Variants in ADGRL2 observed in about 807,000 individuals in gnomAD.
ADGRL2 encodes the protein calcium-independent alpha-latrotoxin receptor 2.
Under a neutral mutation model 157.4 loss-of-function variants are expected in ADGRL2, and 44 were observed. The ratio of observed to expected loss-of-function variants is 0.28; its 90% CI spans 0.22 to 0.36. ADGRL2 has a LOEUF of 0.36. ADGRL2 is among the 10% of genes least tolerant of loss of function. The pLI is 1.00. For synonymous variants in ADGRL2, 585 were observed against 624.7 expected (o/e 0.94, Z 0.95); for missense variants, 1,510 against 1,768.9 (o/e 0.85, Z 2.63).
At chr1:81,894,453 G>A (rs976389900) in intron 2 of ADGRL2, among the ~76,000 whole-genome samples, 3 of 151,978 alleles carry the variant, frequency 2.0e-5, no homozygotes, top group African/African-American at 7.2e-5. Flanking sequence ...TTTCTTTTGT[G>A]TGTATCATAT....
At chr1:81,748,467 C>CAAAAAAAAAAAAAAAAA (rs973818702) in intron 1 of ADGRL2, among the ~76,000 whole-genome samples, 2 of 42,416 alleles carry the variant, frequency 4.7e-5, no homozygotes, top group East Asian at 8.7e-4. Context: ...GATTCCGTCT[C>CAAAAAAAAAAAAAAAAA]AAAAAAAAAA....
chr1:81,733,837 G>A (rs946401185), intron 1 of ADGRL2, among the ~76,000 whole-genome samples: 13 of 152,140 alleles, frequency 8.5e-5, no homozygotes, highest in Non-Finnish European at 1.8e-4. Context: ...TGACTTGAAG[G>A]TAGAGGGTGG....
intron 2 of ADGRL2, among the ~76,000 whole-genome samples, chr1:81,876,602 A>C (rs1429042581): frequency 6.6e-6 from 1 of 152,098 alleles, no homozygotes; most frequent in Non-Finnish European, 1.5e-5. Context: ...TACTTGTTTA[A>C]CTAGAGTGAC....
chr1:81,384,053 G>C (rs1306086953), intron 1 of ADGRL2, among the ~76,000 whole-genome samples: 1 of 151,904 alleles, frequency 6.6e-6, no homozygotes, highest in Admixed American at 6.6e-5. Flanking sequence ...AACTAGAAAA[G>C]GCACAAACTC....
At chr1:81,882,772 C>A (rs1378538704) in intron 2 of ADGRL2, among the ~76,000 whole-genome samples, 2 of 152,086 alleles carry the variant, frequency 1.3e-5, no homozygotes, top group African/African-American at 4.8e-5. Flanking sequence ...TCTTGTGGAA[C>A]CCTAGTTGAG....
chr1:81,621,128 CCT>C (rs2081780906), intron 3 of ADGRL2, among the ~76,000 whole-genome samples: 1 of 152,096 alleles, frequency 6.6e-6, no homozygotes, highest in Admixed American at 6.6e-5. Flanking sequence ...GAAGTGCTTT[CCT>C]CTCTTTGGCC....
intron 3 of ADGRL2, among the ~76,000 whole-genome samples, chr1:81,923,788 A>G (rs998283090): frequency 6.6e-6 from 1 of 152,166 alleles, no homozygotes; most frequent in Non-Finnish European, 1.5e-5. Context: ...GAAGCCTGAC[A>G]TACAACAGAA....
At chr1:81,819,528 G>C (rs543600284) in intron 1 of ADGRL2, among the ~76,000 whole-genome samples, 56 of 152,076 alleles carry the variant, frequency 3.7e-4, no homozygotes, top group African/African-American at 1.3e-3. Flanking sequence ...AAATGTTTTC[G>C]AGTGTATACC....
intron 11 of ADGRL2, among the ~76,000 whole-genome samples, chr1:81,965,513 A>G (rs1169212075): frequency 6.6e-6 from 1 of 151,650 alleles, no homozygotes; most frequent in African/African-American, 2.4e-5. Context: ...TAGAAATTAG[A>G]AAAAAAAAGT....
intron 6 of ADGRL2, among the ~76,000 whole-genome samples, chr1:81,949,888 A>T (rs1348831162): frequency 6.6e-6 from 1 of 152,238 alleles, no homozygotes; most frequent in Non-Finnish European, 1.5e-5. Flanking sequence ...TGATGAAATT[A>T]TACTTAAACT....
At chr1:81,734,669 T>C (rs1257758126) in intron 1 of ADGRL2, among the ~76,000 whole-genome samples, 1 of 148,228 alleles carries the variant, frequency 6.7e-6, no homozygotes, top group Non-Finnish European at 1.5e-5. Flanking sequence ...ATGACCTCCA[T>C]GCACAAGGCA....
Position 81,990,709 on chromosome 1 carries a change from G to T in ADGRL2, c.3974G>T (p.Gly1325Val). The T allele has an allele frequency of 6.2e-7, 1 of 1,614,062 alleles. No homozygotes were observed. The highest frequency in any genetic ancestry group is 8.5e-7 in the Non-Finnish European group (1 of 1,179,996). ...ASSLMHSDNP[G>V]LELHHKELEA... is the part of the protein sequence containing the mutation. ...TCTTTAATGCACAGCGACAACCCAG[G>T]GCTGGAGCTCCATCACAAAGAACTC... Residue 1325 changes from glycine (G) to valine (V), a missense_variant, in exon 24 of 24, where the codon GGG (glycine) becomes GTG (valine). Gly to Val is a moderately radical substitution (Grantham distance 109). Coordinates refer to ENST00000686636, the MANE Select transcript of ADGRL2 (RefSeq NM_001366006.2).
At chr1:81,931,722 T>C (rs550000597) in intron 3 of ADGRL2, among the ~76,000 whole-genome samples, 134 of 152,196 alleles carry the variant, frequency 8.8e-4, no homozygotes, top group Non-Finnish European at 1.5e-3. Context: ...TGGCCTGTGC[T>C]TCAGTGGTGC....
At chr1:81,876,684 G>T (rs2093850294) in intron 2 of ADGRL2, among the ~76,000 whole-genome samples, 1 of 152,088 alleles carries the variant, frequency 6.6e-6, no homozygotes, top group Non-Finnish European at 1.5e-5. Flanking sequence ...TGACTCGAGG[G>T]ATCAGATGCA....
intron 1 of ADGRL2, among the ~76,000 whole-genome samples, chr1:81,310,242 G>A (rs757145433): frequency 3.3e-5 from 5 of 152,136 alleles, no homozygotes; most frequent in African/African-American, 4.8e-5. Flanking sequence ...AACTGAGTAA[G>A]AACAGGTCTA....
At chr1:81,728,969 G>A (rs1205629542) in intron 1 of ADGRL2, among the ~76,000 whole-genome samples, 1 of 152,122 alleles carries the variant, frequency 6.6e-6, no homozygotes, top group Non-Finnish European at 1.5e-5. Flanking sequence ...GAGCAAAGAT[G>A]CCCTATTGAT....
intron 2 of ADGRL2, among the ~76,000 whole-genome samples, chr1:81,521,341 T>G (rs2079309892): frequency 6.6e-6 from 1 of 152,184 alleles, no homozygotes; most frequent in Non-Finnish European, 1.5e-5. Flanking sequence ...AGAAAAATGC[T>G]TTTAATATGT....
intron 1 of ADGRL2, among the ~76,000 whole-genome samples, chr1:81,738,641 C>CT (rs1159101708): frequency 6.6e-6 from 1 of 152,152 alleles, no homozygotes; most frequent in East Asian, 1.9e-4. Flanking sequence ...GTGGGGTATC[C>CT]TTTTTTCTGT....
At position 81,360,680 on chromosome 1, in the gene ADGRL2, T is replaced by C. The variant is rs184717935; in HGVS notation, c.-302+54171T>C. ...TTCTCATATCTGTATTTCCAGGACC[T>C]AGGAAAGTGATCTGTAAATATTTAT... On this transcript the variant is annotated intron_variant, in intron 1 of 24. Transcript: ENST00000370721. Among the ~76,000 whole-genome samples the C allele has an allele frequency of 5.6e-3, 850 of 151,530 alleles. 5 individuals are homozygous for C. Among genetic ancestry groups the C allele is most frequent in the Non-Finnish European group, 8.5e-3 (574 of 67,720 alleles).
Sources: allele counts gnomAD v4.1 joint callset (sites outside exome capture counted in the v4.1 genomes callset), GRCh38; gene constraint gnomAD v4.1.1; transcripts MANE v1.5; gene names NCBI Gene and HGNC (gene_info 2026-07-23, HGNC 2026-07-21).